Variants in PPP1R13L observed in about 807,000 individuals in gnomAD.
The protein encoded by PPP1R13L is protein phosphatase 1 regulatory subunit 13 like.
Under a neutral mutation model 80.9 loss-of-function variants are expected in PPP1R13L, and 50 were observed. The ratio of observed to expected loss-of-function variants is 0.62; its 90% CI spans 0.49 to 0.78. The LOEUF (loss-of-function observed/expected upper bound fraction) is 0.78, where lower values mean the gene tolerates loss of function less well. Among genes scored for constraint, PPP1R13L ranks in the 30% least tolerant of loss-of-function variants. PPP1R13L has a pLI of 0.00. For synonymous variants in PPP1R13L, 602 were observed against 534.3 expected (o/e 1.13, Z -1.75); for missense variants, 1,200 against 1,205.9 (o/e 1.00, Z 0.07).
chr19:45,397,922 G>A (rs1381333126), intron 3 of PPP1R13L, 83 bp downstream of exon 3: 20 of 1,507,968 alleles, frequency 1.3e-5, no homozygotes, highest in African/African-American at 2.8e-5. Context: ...ACTATATGGG[G>A]CAATTTTGCC....
intron 2 of PPP1R13L, 32 bp downstream of exon 2, chr19:45,398,232 C>A (rs1973154397): frequency 6.2e-7 from 1 of 1,613,472 alleles, no homozygotes; most frequent in Non-Finnish European, 8.5e-7. Context: ...GAGGTCCCCG[C>A]CTCGCCAGCC....
chr19:45,393,607 G>T (rs1345415453), intron 7 of PPP1R13L, among the ~76,000 whole-genome samples: 2 of 151,804 alleles, frequency 1.3e-5, no homozygotes, highest in African/African-American at 4.8e-5. Flanking sequence ...GGGCACGGTG[G>T]TTCACGCCTG....
chr19:45,399,022 C>A (rs1973174551), intron 1 of PPP1R13L, among the ~76,000 whole-genome samples: 2 of 152,016 alleles, frequency 1.3e-5, no homozygotes, highest in Admixed American at 6.6e-5. Context: ...CGGCTCACTG[C>A]AAGCTCCGCC....
In PPP1R13L at chr19:45,380,204, T is replaced by C. The variant is rs1355234797; in HGVS notation, c.2473A>G (p.Arg825Gly). 6.2e-7 allele frequency: 1 copy of C among 1,614,062 alleles called. No individual in the cohort carries two copies. The highest frequency in any genetic ancestry group is 1.3e-5 in the African/African-American group (1 of 75,024). ...FGLFPRVKPQ[R>G]SKV is the part of the protein sequence containing the mutation. ...CTTCTATCCTGCTAGACTTTACTCC[T>C]TTGAGGCTTCACCCTGGGGAACAGC... Residue 825 changes from arginine (R) to glycine (G), a missense_variant, in exon 13 of 13, where the codon AGG becomes GGG. Arg to Gly is a moderately radical substitution (Grantham distance 125). Transcript: ENST00000360957.
Position 45,395,752 on chromosome 19 carries a change from C to T in PPP1R13L, c.1038G>A (p.Trp346Ter). The T allele has an allele frequency of 6.5e-7, 1 of 1,533,786 alleles. No homozygotes were observed. Among genetic ancestry groups the T allele is most frequent in the South Asian group, 1.2e-5 (1 of 82,142 alleles). ...AGPSGTLPRS[W>*]QPVSRIPMPP... Reference sequence around the variant, plus strand: ...GCATGGGGATGCGGCTGACGGGCTGCCAGCTGCGAGGCAAAGTGCCCGACG... The same window carrying T: ...GCATGGGGATGCGGCTGACGGGCTGTCAGCTGCGAGGCAAAGTGCCCGACG... The change falls in exon 7 of 13, where the codon TGG becomes TGA. Residue 346 changes from tryptophan (W) to a stop codon, truncating the protein, a stop_gained. Transcript: ENST00000360957. LOFTEE classifies it high-confidence loss of function.
intron 11 of PPP1R13L, among the ~76,000 whole-genome samples, chr19:45,384,505 C>T (rs2123351583): frequency 6.6e-6 from 1 of 151,984 alleles, no homozygotes; most frequent in South Asian, 2.1e-4. Context: ...GCACTCCAGC[C>T]TGGGTGACAG....
rs149422479 is a variant in PPP1R13L at position 45,391,889 on chromosome 19, C to T, written c.1806G>A (p.Pro602=). The T allele has an allele frequency of 1.6e-4, 243 of 1,480,038 alleles. 3 individuals carry two copies. In the South Asian group the frequency reaches 2.3e-3, roughly 14 times the overall value. The allele number at this position is 1,480,038 out of a possible 1,614,324, so 91.7% of individuals were successfully genotyped here. The part of the protein sequence containing the change: ...APSQSSPPEQ[P]QSMEMRSVLR... ...CTCCTGTATTACTTACCATGCTCTG[C>T]GGCTGCTCTGGTGGGCTGCTCTGGG... Residue 602 remains proline, a synonymous_variant, in exon 8 of 13, where the codon CCG becomes CCA. Coordinates refer to ENST00000360957, the MANE Select transcript of PPP1R13L (RefSeq NM_006663.4).
chr19:45,382,723 A>AC lies in PPP1R13L; in HGVS notation c.2251dup (p.Val751GlyfsTer77). ...GTTCATCAGCCCCATACTCTGCTCGACGTCTGAAACATGCCACGGAGGGGA... is the reference window on the plus strand; with the variant it reads ...GTTCATCAGCCCCATACTCTGCTCGACCGTCTGAAACATGCCACGGAGGGGA... On this transcript the variant is annotated frameshift_variant, in exon 12 of 13. Coordinates refer to ENST00000360957, the MANE Select transcript of PPP1R13L (RefSeq NM_006663.4). LOFTEE classifies it high-confidence loss of function. 6.2e-7 allele frequency: 1 copy of AC among 1,613,918 alleles called. No homozygotes were observed. Among genetic ancestry groups the AC allele is most frequent in the Non-Finnish European group, 8.5e-7 (1 of 1,180,014 alleles).
In PPP1R13L at chr19:45,396,604, A is replaced by T. The variant is rs1322133492; in HGVS notation, c.653T>A (p.Phe218Tyr). The T allele has an allele frequency of 6.7e-7, 1 of 1,495,328 alleles. No individual in the cohort carries two copies. Among genetic ancestry groups the T allele is most frequent in the South Asian group, 1.3e-5 (1 of 74,386 alleles). 92.6% of individuals were successfully genotyped at this position (1,495,328 alleles called of 1,614,324 possible). The change falls in exon 4 of 13, where the codon TTC becomes TAC. Residue 218 changes from phenylalanine (F) to tyrosine (Y), a missense_variant. Phe to Tyr is a conservative substitution (Grantham distance 22). Around this residue, in one of 5 missense-constraint regions of PPP1R13L, gnomAD observed 764 missense variants for 714.5 expected, o/e 1.07. Coordinates refer to ENST00000360957, the MANE Select transcript of PPP1R13L (RefSeq NM_006663.4). The surrounding 1 kb of genome is among the most constrained non-coding windows in gnomAD (Gnocchi z 5.3). ...ATAYDAPASA[F>Y]GSSLLGSGGS... Reference sequence around the variant, plus strand: ...GCCGGAGCCTAGCAGGGAGCTCCCGAAGGCGGACGCTGGCGCGTCGTAGGC... The same window carrying T: ...GCCGGAGCCTAGCAGGGAGCTCCCGTAGGCGGACGCTGGCGCGTCGTAGGC...
chr19:45,403,551 C>T (rs867421061), intron 1 of PPP1R13L, among the ~76,000 whole-genome samples: 1 of 152,080 alleles, frequency 6.6e-6, no homozygotes, highest in Non-Finnish European at 1.5e-5. Context: ...CTCCAGCCTC[C>T]GTTTCTCCAC....
In PPP1R13L at chr19:45,396,742, G is replaced by C; in HGVS notation, c.515C>G (p.Pro172Arg). Residue 172 changes from proline (P) to arginine (R), a missense_variant, in exon 4 of 13, where the codon CCC (proline) becomes CGC (arginine). Pro to Arg is a moderately radical substitution (Grantham distance 103). This residue lies in a region of PPP1R13L where 764 missense variants were observed against 714.5 expected (regional missense o/e 1.07). Transcript: ENST00000360957. This position sits in a 1 kb window ranked among gnomAD's most constrained non-coding sequence, Gnocchi z 5.3. ...GPGPLRQQGP[P>R]TPFDFLGRAG... ...GCGGCCCAGGAAGTCGAAAGGCGTG[G>C]GGGGACCCTGCTGGCGGAGCGGGCC... 2.9e-6 allele frequency: 4 copies of C among 1,370,550 alleles called. No individual in the cohort carries two copies. Among genetic ancestry groups the C allele is most frequent in the Non-Finnish European group, 3.7e-6 (4 of 1,071,780 alleles). 84.9% of individuals were successfully genotyped at this position (1,370,550 alleles called of 1,614,324 possible). A position where few individuals can be genotyped will look rare whatever the true frequency, so the allele number is the denominator to read the frequency against.
intron 1 of PPP1R13L, among the ~76,000 whole-genome samples, chr19:45,399,408 A>C (rs1288349970): frequency 1.4e-5 from 2 of 141,066 alleles, no homozygotes; most frequent in African/African-American, 5.3e-5. Flanking sequence ...GCGGATCACG[A>C]GGTCAGGAGA....
chr19:45,388,606 G>A (rs936080616), intron 8 of PPP1R13L, among the ~76,000 whole-genome samples: 2 of 151,970 alleles, frequency 1.3e-5, no homozygotes, highest in Non-Finnish European at 2.9e-5. Context: ...CAACATATCA[G>A]TGCATGAATT....
intron 8 of PPP1R13L, among the ~76,000 whole-genome samples, chr19:45,389,686 T>C (rs1461978647): frequency 6.6e-6 from 1 of 152,190 alleles, no homozygotes. Flanking sequence ...GGCATATGCC[T>C]GTAATCCCAG....
intron 1 of PPP1R13L, among the ~76,000 whole-genome samples, chr19:45,400,107 C>T (rs931785385): frequency 4.6e-5 from 7 of 152,048 alleles, no homozygotes; most frequent in Admixed American, 2.6e-4. Context: ...CGGTAGTAAT[C>T]GGTTTCACAC....
chr19:45,403,723 T>C (rs1186639971), intron 1 of PPP1R13L, among the ~76,000 whole-genome samples: 1 of 152,210 alleles, frequency 6.6e-6, no homozygotes, highest in Non-Finnish European at 1.5e-5. Context: ...ACGGTTATTA[T>C]TTTTAATTTC....
At chr19:45,398,587 T>TC (rs1371910074) in intron 1 of PPP1R13L, among the ~76,000 whole-genome samples, 1 of 142,486 alleles carries the variant, frequency 7.0e-6, no homozygotes, top group African/African-American at 2.7e-5. Flanking sequence ...TTTCTTTTCT[T>TC]TTTTTTTTTT....
chr19:45,382,648 T>A lies in PPP1R13L; in HGVS notation c.2327A>T (p.Glu776Val). The stretch of plus-strand genomic sequence containing the variant: ...CGACTCGCCCTCGCGGAAGGACAGC[T>A]CGTCCCCGAACTCGGCGCTGTAGTC... ...LWDYSAEFGD[E>V]LSFREGESVT... Residue 776 changes from glutamate to valine, a missense_variant, in exon 12 of 13, where the codon GAG (glutamate) becomes GTG (valine). By Grantham distance (121) the Glu-to-Val change is moderately radical. This residue lies in a region of PPP1R13L where 165 missense variants were observed against 177.1 expected (regional missense o/e 0.93). Transcript: ENST00000360957. 6.2e-7 allele frequency: 1 copy of A among 1,613,888 alleles called. No individual in the cohort carries two copies. The highest frequency in any genetic ancestry group is 8.5e-7 in the Non-Finnish European group (1 of 1,180,026).
chr19:45,402,497 C>G (rs1250589687), intron 1 of PPP1R13L, among the ~76,000 whole-genome samples: 1 of 152,230 alleles, frequency 6.6e-6, no homozygotes, highest in Admixed American at 6.5e-5. Flanking sequence ...TCGGAGCCAC[C>G]AGGGGGCGGT....
Sources: gnomAD v4.1 joint callset for allele counts (sites outside exome capture counted in the v4.1 genomes callset) on GRCh38, gnomAD v4.1.1 for gene constraint, gnomAD v4.1.1 regional missense constraint, Gnocchi (gnomAD v3.1) non-coding constraint, MANE v1.5 for transcripts, NCBI Gene and HGNC (gene_info 2026-07-23, HGNC 2026-07-21) for gene names.